STRBP: variants seen among roughly 807,000 people sequenced by gnomAD.
STRBP encodes the protein spermatid perinuclear RNA binding protein.
A neutral mutation model predicts 80.1 loss-of-function variants in STRBP; 13 were observed. That is an observed-to-expected ratio of 0.16 (90% confidence interval 0.11 to 0.26). The LOEUF is 0.26. STRBP is among the 10% of genes least tolerant of loss of function. The probability of loss-of-function intolerance (pLI) is 1.00; values close to 1 mark genes in which losing one functional copy is unlikely to be tolerated. For missense variants in STRBP, 485 were observed against 815.2 expected (o/e 0.59, Z 4.93); for synonymous variants, 284 against 291.2 (o/e 0.98, Z 0.25).
At chr9:123,256,713 A>C (rs72753302) in intron 1 of STRBP, among the ~76,000 whole-genome samples, 2,600 of 152,224 alleles carry the variant, frequency 0.017, 31 homozygotes, top group Middle Eastern at 0.041. Flanking sequence ...ACAGAACACC[A>C]TTCCGTCACA....
chr9:123,111,868 C>G, intron 3 of STRBP: 1 of 234,926 alleles, frequency 4.3e-6, no homozygotes, highest in Non-Finnish European at 9.2e-6. Flanking sequence ...ATCCGAGAGG[C>G]ACTTCTGTAC....
At chr9:123,203,666 C>A (rs572128494) in intron 2 of STRBP, among the ~76,000 whole-genome samples, 4 of 152,000 alleles carry the variant, frequency 2.6e-5, no homozygotes, top group Admixed American at 1.3e-4. Context: ...TATCTCTGAC[C>A]ACCCTATGTA....
At chr9:123,142,536 G>A (rs1038301500) in intron 13 of STRBP, among the ~76,000 whole-genome samples, 7 of 152,096 alleles carry the variant, frequency 4.6e-5, no homozygotes, top group Admixed American at 3.9e-4. Flanking sequence ...GATCACCCTG[G>A]CCTGCTCTGA....
chr9:123,163,336 G>A (rs2037607230), intron 6 of STRBP, among the ~76,000 whole-genome samples: 1 of 152,194 alleles, frequency 6.6e-6, no homozygotes, highest in African/African-American at 2.4e-5. Context: ...TCATCCCAAA[G>A]TCAGATTGTA....
chr9:123,237,206 T>C (rs2040587422), intron 1 of STRBP, among the ~76,000 whole-genome samples: 1 of 152,164 alleles, frequency 6.6e-6, no homozygotes, highest in African/African-American at 2.4e-5. Flanking sequence ...CAGTGAGCTA[T>C]TCTAACATTC....
At chr9:123,179,594 G>C (rs1345171837) in intron 3 of STRBP, among the ~76,000 whole-genome samples, 1 of 151,968 alleles carries the variant, frequency 6.6e-6, no homozygotes, top group Non-Finnish European at 1.5e-5. Flanking sequence ...TGGCCGACAT[G>C]GTAAAACCCC....
chr9:123,187,608 A>G (rs769039034), intron 2 of STRBP, among the ~76,000 whole-genome samples: 99 of 152,242 alleles, frequency 6.5e-4, no homozygotes, highest in Non-Finnish European at 1.3e-3. Flanking sequence ...CTTACGCAGA[A>G]GGTGGCATTA....
Position 123,170,013 on chromosome 9 carries a change from A to T in STRBP, c.424T>A (p.Cys142Ser). 6.2e-7 allele frequency: 1 copy of T among 1,609,780 alleles called. No individual in the cohort carries two copies. The highest frequency in any genetic ancestry group is 8.5e-7 in the Non-Finnish European group (1 of 1,178,592). Residue 142 changes from cysteine to serine, a missense_variant, in exon 6 of 19, where the codon TGT (cysteine) becomes AGT (serine). Cys to Ser is a moderately radical substitution (Grantham distance 112, BLOSUM62 -1). Transcript: ENST00000348403. ...ATTATAATAGATGCCTCATTTACAC[A>T]TTGTTCCACTTGATATTTCTCTTCT... ...LTEEKYQVEQ[C>S]VNEASIIIRN... is the part of the protein sequence containing the mutation.
At position 123,136,335 on chromosome 9, in the gene STRBP, T is replaced by C; in HGVS notation, c.1632+46A>G. ...TTTACATTAAGTTCAGGATATCCTA[T>C]GTCTTTGAGAAGAAAGATAAGGCTG... On this transcript the variant is annotated intron_variant, in intron 15 of 18. Transcript: ENST00000348403. The surrounding 1 kb of genome is among the most constrained non-coding windows in gnomAD (Gnocchi z 4.2). 6.2e-7 allele frequency: 1 copy of C among 1,609,512 alleles called. No homozygotes were observed.
rs554495015 is a variant in STRBP, at chr9:123,247,291, C to T, written c.-301-10325G>A. Among the ~76,000 whole-genome samples, 7 of 151,950 alleles carry T rather than the reference C, an allele frequency of 4.6e-5. No individual in the cohort carries two copies. In the South Asian group the frequency reaches 6.2e-4, roughly 14 times the overall value. On this transcript the variant is annotated intron_variant, in intron 1 of 18. Coordinates refer to ENST00000348403, the MANE Select transcript of STRBP (RefSeq NM_018387.5). The stretch of plus-strand genomic sequence containing the variant: ...TGTACTTTTTTTCTTTTTTTTGAGA[C>T]GGAGTTTTGCTCGTCACCCAGGCTG...
intron 2 of STRBP, among the ~76,000 whole-genome samples, chr9:123,206,287 C>T (rs897239603): frequency 6.6e-6 from 1 of 152,000 alleles, no homozygotes; most frequent in Non-Finnish European, 1.5e-5. Context: ...TTTTAAATAC[C>T]GTAGATAAAG....
intron 1 of STRBP, among the ~76,000 whole-genome samples, chr9:123,255,571 T>G (rs992100931): frequency 1.3e-5 from 2 of 152,200 alleles, no homozygotes; most frequent in Admixed American, 1.3e-4. Context: ...CAGAGCAACT[T>G]ATCTAACAAA....
intron 17 of STRBP, among the ~76,000 whole-genome samples, chr9:123,130,422 C>G (rs185981516): frequency 6.6e-6 from 1 of 152,070 alleles, no homozygotes; most frequent in East Asian, 1.9e-4. Flanking sequence ...AGAGGAGTCA[C>G]TATAGAGTAA....
intron 6 of STRBP, chr9:123,168,143 G>T: frequency 1.3e-6 from 1 of 793,498 alleles, no homozygotes; most frequent in Non-Finnish European, 1.5e-6. Context: ...ACACTACTTA[G>T]AAATGGTTGG....
rs550469345 is a variant in STRBP, at chr9:123,267,767, C to T, written c.-302+669G>A. On this transcript the variant is annotated intron_variant, in intron 1 of 18. Coordinates refer to ENST00000348403, the MANE Select transcript of STRBP (RefSeq NM_018387.5). ...TCCCTGCCCCTGGCACGCAGCGCTCCTTCCAGTCCTGCTCGAGTCCCCAGT... is the reference window on the plus strand; with the variant it reads ...TCCCTGCCCCTGGCACGCAGCGCTCTTTCCAGTCCTGCTCGAGTCCCCAGT... Among the ~76,000 whole-genome samples the T allele has an allele frequency of 5.3e-5, 8 of 151,572 alleles. No homozygotes were observed. In the East Asian group the frequency reaches 1.6e-3, roughly 30 times the overall value.
At chr9:123,176,628 C>T (rs2038231584) in intron 4 of STRBP, among the ~76,000 whole-genome samples, 1 of 152,110 alleles carries the variant, frequency 6.6e-6, no homozygotes, top group Admixed American at 6.6e-5. Flanking sequence ...ATAGTTGGCA[C>T]TCAATAAACA....
At chr9:123,207,953 G>C (rs565956218) in intron 2 of STRBP, among the ~76,000 whole-genome samples, 2 of 152,204 alleles carry the variant, frequency 1.3e-5, no homozygotes, top group African/African-American at 4.8e-5. Flanking sequence ...ATGTGAACAC[G>C]TAAGATACGT....
rs2035838455 is a variant in STRBP at position 123,124,888 on chromosome 9, A to G, written c.*709T>C. 1 of 985,482 alleles carries G rather than the reference A, an allele frequency of 1.0e-6. No homozygotes were observed. Among genetic ancestry groups the G allele is most frequent in the African/African-American group, 1.7e-5 (1 of 57,250 alleles). 61.0% of individuals were successfully genotyped at this position (985,482 alleles called of 1,614,324 possible). A position where few individuals can be genotyped will look rare whatever the true frequency, so the allele number is the denominator to read the frequency against. On this transcript the variant is annotated 3_prime_UTR_variant, in exon 19 of 19. Transcript: ENST00000348403. ...ACAACAGGAGTACAAAGGGCTTACA[A>G]AGTGAGTAGACTGGCTCAAACTAAC...
At chr9:123,173,988 G>A in intron 4 of STRBP, 146 bp from the exon 5 acceptor site, 1 of 816,770 alleles carries the variant, frequency 1.2e-6, no homozygotes, top group Non-Finnish European at 1.9e-6. Context: ...TTAAGCCTCA[G>A]ATTTGAGGCT....
Sources: gnomAD v4.1 joint callset for allele counts (sites outside exome capture counted in the v4.1 genomes callset) on GRCh38, gnomAD v4.1.1 for gene constraint, Gnocchi (gnomAD v3.1) non-coding constraint, MANE v1.5 for transcripts, NCBI Gene and HGNC (gene_info 2026-07-23, HGNC 2026-07-21) for gene names.